Variants in KHDRBS2 observed in about 807,000 individuals in gnomAD.
KHDRBS2 encodes KH RNA binding domain containing, signal transduction associated 2.
In KHDRBS2, 26 loss-of-function variants were observed where a neutral mutation model predicts 44.3. That is an observed-to-expected ratio of 0.59 (90% CI 0.43 to 0.81). The LOEUF (loss-of-function observed/expected upper bound fraction) is 0.81, where lower values mean the gene tolerates loss of function less well. Ranked by LOEUF, KHDRBS2 falls within the 40% of genes least tolerant of loss-of-function variation. KHDRBS2 has a pLI of 0.00. For missense variants in KHDRBS2, 476 were observed against 433.1 expected, an observed-to-expected ratio of 1.10 and a Z score of -0.88; for synonymous variants, 194 against 151.1, an observed-to-expected ratio of 1.28 and a Z score of -2.08.
chr6:61,568,097 G>A, the KHDRBS2 span, among the ~76,000 whole-genome samples: 2 of 152,094 alleles, frequency 1.3e-5, no homozygotes, highest in African/African-American at 4.8e-5. Context: ...TGAATAAAGT[G>A]TCCTCTCTTC....
chr6:62,272,865 A>G (rs894177106), intron 1 of KHDRBS2, among the ~76,000 whole-genome samples: 2 of 152,200 alleles, frequency 1.3e-5, no homozygotes, highest in African/African-American at 4.8e-5. Context: ...AGGTGGAAGT[A>G]GACAGGATGA....
chr6:61,753,589 A>T (rs1239876523), intron 6 of KHDRBS2, among the ~76,000 whole-genome samples: 1 of 152,088 alleles, frequency 6.6e-6, no homozygotes, highest in Non-Finnish European at 1.5e-5. Flanking sequence ...TAGTGTTCGA[A>T]TTTTTATTTT....
At chr6:62,099,949 C>T (rs1333691713) in intron 2 of KHDRBS2, among the ~76,000 whole-genome samples, 3 of 152,176 alleles carry the variant, frequency 2.0e-5, no homozygotes, top group African/African-American at 7.2e-5. Context: ...TTAAGAGATA[C>T]ATTTTATTAG....
intron 1 of KHDRBS2, among the ~76,000 whole-genome samples, chr6:62,253,879 G>C (rs746050575): frequency 2.0e-5 from 3 of 151,886 alleles, no homozygotes; most frequent in Non-Finnish European, 2.9e-5. Flanking sequence ...TATAACAGTG[G>C]AGAATATTTT....
intron 2 of KHDRBS2, among the ~76,000 whole-genome samples, chr6:62,114,137 C>A (rs1029860143): frequency 2.0e-5 from 3 of 152,072 alleles, no homozygotes; most frequent in Non-Finnish European, 2.9e-5. Flanking sequence ...GATTCACTTA[C>A]GTCCTACTAG....
chr6:61,754,147 C>T (rs1373676276), intron 6 of KHDRBS2, among the ~76,000 whole-genome samples: 2 of 152,130 alleles, frequency 1.3e-5, no homozygotes, highest in African/African-American at 4.8e-5. Context: ...TAGTTTGTTA[C>T]AGCAGCATTA....
At chr6:61,704,419 T>C (rs868257403) in intron 7 of KHDRBS2, among the ~76,000 whole-genome samples, 2 of 151,862 alleles carry the variant, frequency 1.3e-5, no homozygotes, top group Admixed American at 6.6e-5. Flanking sequence ...CTGGGTAAGA[T>C]GGAATGAAGA....
At chr6:62,048,122 A>G (rs1788124618) in intron 2 of KHDRBS2, 128 bp from the exon 3 acceptor site, 1 of 282,554 alleles carries the variant, frequency 3.5e-6, no homozygotes, top group African/African-American at 1.1e-4. Context: ...CCATAAACAT[A>G]CACACACACA....
chr6:62,024,257 CG>C (rs1049747220), intron 3 of KHDRBS2, among the ~76,000 whole-genome samples: 1 of 150,936 alleles, frequency 6.6e-6, no homozygotes, highest in Non-Finnish European at 1.5e-5. Context: ...ATAATTAAAT[CG>C]AAATTTAGAG....
the KHDRBS2 span, among the ~76,000 whole-genome samples, chr6:61,662,694 A>T: frequency 2.0e-5 from 3 of 152,066 alleles, no homozygotes; most frequent in Non-Finnish European, 4.4e-5. Context: ...TCAAAACCAC[A>T]ATGAGGTACC....
At chr6:61,558,211 A>T in the KHDRBS2 span, among the ~76,000 whole-genome samples, 1 of 151,676 alleles carries the variant, frequency 6.6e-6, no homozygotes, top group Non-Finnish European at 1.5e-5. Context: ...TTTAAGATGA[A>T]TCATTATGTT....
intron 2 of KHDRBS2, among the ~76,000 whole-genome samples, chr6:62,162,519 G>T (rs181883954): frequency 5.3e-5 from 8 of 152,122 alleles, no homozygotes; most frequent in African/African-American, 9.6e-5. Flanking sequence ...CTTTGCCAGG[G>T]GATAATGGTT....
chr6:62,198,843 A>C (rs1826270321), intron 1 of KHDRBS2, among the ~76,000 whole-genome samples: 2 of 152,276 alleles, frequency 1.3e-5, no homozygotes, highest in South Asian at 2.1e-4. Context: ...CCTCAATAAA[A>C]TACTGGCAAA....
chr6:62,178,208 A>T (rs2150123958), intron 1 of KHDRBS2, among the ~76,000 whole-genome samples: 1 of 151,646 alleles, frequency 6.6e-6, no homozygotes, highest in Non-Finnish European at 1.5e-5. Context: ...GTGATATTTG[A>T]TCAAAGCCCT....
At chr6:61,898,515 T>G (rs1335476635) in intron 5 of KHDRBS2, among the ~76,000 whole-genome samples, 1 of 152,018 alleles carries the variant, frequency 6.6e-6, no homozygotes, top group Non-Finnish European at 1.5e-5. Flanking sequence ...GATACACAAT[T>G]ATTTTATCTT....
chr6:62,035,744 C>T (rs1240851580), intron 3 of KHDRBS2, among the ~76,000 whole-genome samples: 3 of 151,962 alleles, frequency 2.0e-5, no homozygotes, highest in East Asian at 3.9e-4. Context: ...TGTATCAAAA[C>T]ATCTTATGTA....
At chr6:61,831,925 G>T (rs1055796330) in intron 6 of KHDRBS2, among the ~76,000 whole-genome samples, 3 of 152,110 alleles carry the variant, frequency 2.0e-5, no homozygotes, top group African/African-American at 4.8e-5. Flanking sequence ...ATGAGGTGAA[G>T]ATATTTGTAC....
chr6:62,222,813 A>T (rs1831124988), intron 1 of KHDRBS2, among the ~76,000 whole-genome samples: 1 of 152,226 alleles, frequency 6.6e-6, no homozygotes, highest in Non-Finnish European at 1.5e-5. Context: ...CTTTGAGTCC[A>T]TGTCTCACAT....
the KHDRBS2 span, among the ~76,000 whole-genome samples, chr6:61,665,248 C>T: frequency 6.6e-5 from 10 of 151,230 alleles, no homozygotes; most frequent in South Asian, 2.1e-4. Context: ...ATTGGACATA[C>T]GGTTTAGGTA....
Sources: gnomAD v4.1 joint callset for allele counts (sites outside exome capture counted in the v4.1 genomes callset) on GRCh38, gnomAD v4.1.1 for gene constraint, MANE v1.5 for transcripts, NCBI Gene and HGNC (gene_info 2026-07-23, HGNC 2026-07-21) for gene names.